Variants in C2orf81 observed in about 807,000 individuals in gnomAD.
C2orf81 encodes chromosome 2 open reading frame 81, also known as uncharacterized protein C2orf81.
Under a neutral mutation model 7.9 loss-of-function variants are expected in C2orf81, and 5 were observed. The observed-to-expected ratio is 0.63, with a 90% CI of 0.33 to 1.33. C2orf81 has a LOEUF of 1.33. C2orf81 is among the 40% of genes most tolerant of loss of function. The pLI is 0.05. For synonymous variants in C2orf81, 346 were observed against 367.4 expected (o/e 0.94, Z 0.66); for missense variants, 781 against 830.4 (o/e 0.94, Z 0.73).
rs1441069331 is a variant in C2orf81 at position 74,416,258 on chromosome 2, T to A, written c.19-17A>T. On this transcript the variant is annotated splice_polypyrimidine_tract_variant and intron_variant, in intron 1 of 2. Transcript: ENST00000684111. Reference sequence around the variant, plus strand: ...CTCCTGCCTCTGTGAGAACAAAACATGGCAATCAGAGCAGGAAACCAAGAA... The same window carrying A: ...CTCCTGCCTCTGTGAGAACAAAACAAGGCAATCAGAGCAGGAAACCAAGAA... 3 of 1,329,782 alleles carry A rather than the reference T, an allele frequency of 2.3e-6. No individual in the cohort carries two copies. Among genetic ancestry groups the A allele is most frequent in the Non-Finnish European group, 2.0e-6 (2 of 1,012,426 alleles). The allele number at this position is 1,329,782 out of a possible 1,614,324, so 82.4% of individuals were successfully genotyped here.
chr2:74,416,191 T>C lies in C2orf81; in HGVS notation c.69A>G (p.Glu23=), dbSNP rs1372437050. Residue 23 remains glutamate (E), a synonymous_variant, in exon 2 of 3, where the codon GAA becomes GAG. Coordinates refer to ENST00000684111, the MANE Select transcript of C2orf81 (RefSeq NM_001316764.3). ...RDRGVTRSKA[E]KVRPPTVPVP... ...CTGGCACAGTGGGCGGCCGCACTTT[T>C]TCCGCCTTGGACCGGGTCACCCCGC... The C allele has an allele frequency of 1.4e-6, 2 of 1,446,116 alleles. No homozygotes were observed. The highest frequency in any genetic ancestry group is 1.8e-6 in the Non-Finnish European group (2 of 1,081,874). 89.6% of individuals were successfully genotyped at this position (1,446,116 alleles called of 1,614,324 possible).
At position 74,415,071 on chromosome 2, in the gene C2orf81, C is replaced by T; in HGVS notation, c.1106G>A (p.Arg369His). ...RLSAHHHRMR[R>H]KAAVKRLDPA... ...GTCCAGGCGTTTCACGGCCGCCTTG[C>T]GGCGCATCCTGTGGTGGTGGGCGCT... Residue 369 changes from arginine to histidine, a missense_variant, in exon 3 of 3, where the codon CGC becomes CAC. Coordinates refer to ENST00000684111, the MANE Select transcript of C2orf81 (RefSeq NM_001316764.3). This position sits in a 1 kb window ranked among gnomAD's most constrained non-coding sequence, Gnocchi z 5.5. 3.2e-6 allele frequency: 5 copies of T among 1,548,274 alleles called. No homozygotes were observed. The highest frequency in any genetic ancestry group is 1.7e-4 in the Middle Eastern group (1 of 5,984).
chr2:74,419,328 T>C (rs913110959), intron 1 of C2orf81, among the ~76,000 whole-genome samples: 3 of 152,080 alleles, frequency 2.0e-5, no homozygotes, highest in African/African-American at 4.8e-5. Flanking sequence ...TTGGGCTATA[T>C]TGCAATAAAA....
chr2:74,420,272 C>T (rs1020465318), intron 1 of C2orf81, among the ~76,000 whole-genome samples: 6 of 151,348 alleles, frequency 4.0e-5, no homozygotes, highest in Non-Finnish European at 7.4e-5. Flanking sequence ...GAGTTTGTTT[C>T]CTTTTGTAAT....
At position 74,415,377 on chromosome 2, in the gene C2orf81, GCCTCCTCCA is replaced by G. The variant is rs1387335241; in HGVS notation, c.791_799del (p.Val264_Glu266del). The G allele has an allele frequency of 8.2e-5, 125 of 1,516,906 alleles. 1 individual carries two copies. The highest frequency in any genetic ancestry group is 1.3e-4 in the Admixed American group (6 of 47,532). The allele number at this position is 1,516,906 out of a possible 1,614,324, so 94.0% of individuals were successfully genotyped here. A position where few individuals can be genotyped will look rare whatever the true frequency, so the allele number is the denominator to read the frequency against. On this transcript the variant is annotated inframe_deletion, in exon 3 of 3. Transcript: ENST00000684111. This position sits in a 1 kb window ranked among gnomAD's most constrained non-coding sequence, Gnocchi z 5.5. ...AGAAGGGTCGGCATCGTCGGCAGGC[GCCTCCTCCA>G]CCGACAGTTGGAAGCTCGCGCTCAA... is the stretch of plus-strand genomic sequence containing the variant.
chr2:74,415,101 C>T lies in C2orf81; in HGVS notation c.1076G>A (p.Arg359Gln), dbSNP rs767589050. Residue 359 changes from arginine to glutamine, a missense_variant, in exon 3 of 3, where the codon CGG (arginine) becomes CAG (glutamine). Transcript: ENST00000684111. The surrounding 1 kb of genome is among the most constrained non-coding windows in gnomAD (Gnocchi z 5.5). ...CATCCTGTGGTGGTGGGCGCTCAGC[C>T]GCACATCCGAGTGCCCGGCCCGCTG... ...QQQRAGHSDVRLSAHHHRMRR... is the reference protein window; with the variant it reads ...QQQRAGHSDVQLSAHHHRMRR... 2 of 1,536,548 alleles carry T rather than the reference C, an allele frequency of 1.3e-6. No individual in the cohort carries two copies. Among genetic ancestry groups the T allele is most frequent in the East Asian group, 5.1e-5 (2 of 39,142 alleles).
At chr2:74,421,189 T>C (rs1229617903) in intron 1 of C2orf81, among the ~76,000 whole-genome samples, 2 of 152,246 alleles carry the variant, frequency 1.3e-5, no homozygotes, top group Non-Finnish European at 1.5e-5. Context: ...CGAAATAGAT[T>C]TTTTCTGTTA....
In C2orf81 at chr2:74,414,276, A is replaced by C; in HGVS notation, c.*53T>G. ...GGGATCAGAGGGAGGCAGCAGGCTT[A>C]GAGGAGCGTGACCACACTTTGGGGG... is the stretch of plus-strand genomic sequence containing the variant. On this transcript the variant is annotated 3_prime_UTR_variant, in exon 3 of 3. Transcript: ENST00000684111. The surrounding 1 kb of genome is among the most constrained non-coding windows in gnomAD (Gnocchi z 5.3). 1 of 1,423,142 alleles carries C rather than the reference A, an allele frequency of 7.0e-7. No homozygotes were observed. Among genetic ancestry groups the C allele is most frequent in the Non-Finnish European group, 9.2e-7 (1 of 1,081,348 alleles). 88.2% of individuals were successfully genotyped at this position (1,423,142 alleles called of 1,614,324 possible).
Position 74,414,498 on chromosome 2 carries a change from G to C in C2orf81, c.1679C>G (p.Pro560Arg). Residue 560 changes from proline (P) to arginine (R), a missense_variant, in exon 3 of 3, where the codon CCC becomes CGC. Pro to Arg is a moderately radical substitution (Grantham distance 103). Coordinates refer to ENST00000684111, the MANE Select transcript of C2orf81 (RefSeq NM_001316764.3). The surrounding 1 kb of genome is among the most constrained non-coding windows in gnomAD (Gnocchi z 5.3). ...CTTCAGGGCTTCTGGCAGCAACACG[G>C]GCTTCCACATCACCTGGGAAGTGGC... ...LEATSQVMWK[P>R]VLLPEALKLA... 6.5e-7 allele frequency: 1 copy of C among 1,549,648 alleles called. No individual in the cohort carries two copies. Among genetic ancestry groups the C allele is most frequent in the Middle Eastern group, 1.7e-4 (1 of 5,976 alleles).
In C2orf81 at chr2:74,415,609, C is replaced by A; in HGVS notation, c.568G>T (p.Gly190Cys). 3 of 1,551,168 alleles carry A rather than the reference C, an allele frequency of 1.9e-6. No individual in the cohort carries two copies. Among genetic ancestry groups the A allele is most frequent in the Non-Finnish European group, 2.6e-6 (3 of 1,147,004 alleles). The part of the protein sequence containing the change: ...CPSAFPQDPG[G>C]VDRIPLGRSW... ...CTTCCTAAAGGGATCCGGTCCACGC[C>A]CCCAGGGTCCTGGGGAAATGCACTC... Residue 190 changes from glycine to cysteine, a missense_variant, in exon 3 of 3, where the codon GGC becomes TGC. By Grantham distance (159) the Gly-to-Cys change is radical. Transcript: ENST00000684111. The surrounding 1 kb of genome is among the most constrained non-coding windows in gnomAD (Gnocchi z 5.5).
chr2:74,416,842 T>A (rs60988301), intron 1 of C2orf81, among the ~76,000 whole-genome samples: 4,246 of 152,170 alleles, frequency 0.028, 215 homozygotes, highest in African/African-American at 0.097. Context: ...TTTTTTTTTT[T>A]AATTCAAGTA....
intron 1 of C2orf81, among the ~76,000 whole-genome samples, chr2:74,417,969 C>T (rs566966717): frequency 8.6e-5 from 13 of 150,652 alleles, no homozygotes; most frequent in African/African-American, 1.7e-4. Context: ...GGACCTGCAG[C>T]GGCTGGTGTG....
chr2:74,420,910 A>T (rs1478015908), intron 1 of C2orf81, among the ~76,000 whole-genome samples: 2 of 149,910 alleles, frequency 1.3e-5, no homozygotes. Context: ...CCTCCCGAGT[A>T]GCTGGGATTA....
In C2orf81 at chr2:74,415,650, G is replaced by C. The variant is rs1349213018; in HGVS notation, c.527C>G (p.Pro176Arg). 3 of 1,551,212 alleles carry C rather than the reference G, an allele frequency of 1.9e-6. No individual in the cohort carries two copies. Among genetic ancestry groups the C allele is most frequent in the African/African-American group, 2.7e-5 (2 of 73,188 alleles). Reference protein sequence around the residue: ...SSAIAPALPFPTSHCPSAFPQ... With the variant: ...SSAIAPALPFRTSHCPSAFPQ... Reference sequence around the variant, plus strand: ...AAATGCACTCGGGCAGTGAGATGTCGGAAAGGGGAGAGCAGGAGCAATGGC... The same window carrying C: ...AAATGCACTCGGGCAGTGAGATGTCCGAAAGGGGAGAGCAGGAGCAATGGC... The change falls in exon 3 of 3, where the codon CCG becomes CGG. Residue 176 changes from proline (P) to arginine (R), a missense_variant. Pro to Arg is a moderately radical substitution (Grantham distance 103). Coordinates refer to ENST00000684111, the MANE Select transcript of C2orf81 (RefSeq NM_001316764.3). The surrounding 1 kb of genome is among the most constrained non-coding windows in gnomAD (Gnocchi z 5.5).
Position 74,414,890 on chromosome 2 carries a change from G to A in C2orf81, c.1287C>T (p.Val429=). The change falls in exon 3 of 3, where the codon GTC becomes GTT. Residue 429 remains valine (V), a synonymous_variant. Transcript: ENST00000684111. The surrounding 1 kb of genome is among the most constrained non-coding windows in gnomAD (Gnocchi z 5.3). ...EPQALGPGTR[V]SPAAFFPLRP... ...GGAGAGGGAAGAACGCTGCCGGGGA[G>A]ACACGGGTGCCGGGGCCGAGGGCTT... 1 of 1,546,654 alleles carries A rather than the reference G, an allele frequency of 6.5e-7. No homozygotes were observed.
chr2:74,416,306 G>T, intron 1 of C2orf81, 65 bp from the exon 2 acceptor site: 1 of 1,167,554 alleles, frequency 8.6e-7, no homozygotes, highest in Non-Finnish European at 1.1e-6. Flanking sequence ...AGTAGCTATA[G>T]GCTAGGAGGA....
chr2:74,417,023 A>G (rs1180823366), intron 1 of C2orf81, among the ~76,000 whole-genome samples: 6 of 152,256 alleles, frequency 3.9e-5, no homozygotes, highest in Non-Finnish European at 5.9e-5. Context: ...CCAGCCTGCC[A>G]TGCCCCAGCC....
intron 1 of C2orf81, chr2:74,416,645 T>C (rs2103834758): frequency 6.1e-6 from 1 of 162,760 alleles, no homozygotes; most frequent in East Asian, 1.8e-4. Flanking sequence ...TAACCAGCCT[T>C]GCTTAGGAGC....
rs1314743473 is a variant in C2orf81, at chr2:74,415,771, G to A, written c.406C>T (p.Gln136Ter). The change falls in exon 3 of 3, where the codon CAG becomes TAG. Residue 136 changes from glutamine to a stop codon, truncating the protein, a stop_gained. Coordinates refer to ENST00000684111, the MANE Select transcript of C2orf81 (RefSeq NM_001316764.3). LOFTEE classifies it low-confidence loss of function (END_TRUNC). This position sits in a 1 kb window ranked among gnomAD's most constrained non-coding sequence, Gnocchi z 5.5. ...GCGTGCAGCACGGGCACTGAACCCT[G>A]AGCCCAGGAGTCCGTCGTGCATGCC... is the stretch of plus-strand genomic sequence containing the variant. ...PSACTTDSWA[Q>*]GSVPVLHAST... The A allele has an allele frequency of 1.3e-6, 2 of 1,551,652 alleles. No homozygotes were observed. Among genetic ancestry groups the A allele is most frequent in the Admixed American group, 2.0e-5 (1 of 51,014 alleles).
Sources: gnomAD v4.1 joint callset for allele counts (sites outside exome capture counted in the v4.1 genomes callset) on GRCh38, gnomAD v4.1.1 for gene constraint, Gnocchi (gnomAD v3.1) non-coding constraint, MANE v1.5 for transcripts, NCBI Gene and HGNC (gene_info 2026-07-23, HGNC 2026-07-21) for gene names.